The following LDB2 variants were observed in gnomAD, a reference collection of about 807,000 sequenced individuals.
LDB2 encodes the protein LIM domain binding 2.
A neutral mutation model predicts 44.3 loss-of-function variants in LDB2; 12 were observed. That is an observed-to-expected ratio of 0.27 (90% confidence interval 0.17 to 0.44). The LOEUF (loss-of-function observed/expected upper bound fraction) is 0.44, where lower values mean the gene tolerates loss of function less well. LDB2 is among the 20% of genes least tolerant of loss of function. The pLI is 1.00. For synonymous variants in LDB2, 164 were observed against 174.8 expected (o/e 0.94, Z 0.49); for missense variants, 344 against 473.5 (o/e 0.73, Z 2.54).
At chr4:16,846,806 A>G (rs759276002) in intron 1 of LDB2, among the ~76,000 whole-genome samples, 3 of 152,234 alleles carry the variant, frequency 2.0e-5, no homozygotes, top group Non-Finnish European at 4.4e-5. Flanking sequence ...AATGCAAAAG[A>G]GCAGGCAAAG....
intron 2 of LDB2, among the ~76,000 whole-genome samples, chr4:16,755,998 CA>C (rs1480222363): frequency 6.6e-6 from 1 of 152,210 alleles, no homozygotes; most frequent in East Asian, 1.9e-4. Context: ...ACACCCCCAT[CA>C]GGGGAGTGAA....
At chr4:16,873,652 T>A (rs1157182442) in intron 1 of LDB2, among the ~76,000 whole-genome samples, 1 of 152,240 alleles carries the variant, frequency 6.6e-6, no homozygotes, top group East Asian at 1.9e-4. Context: ...TTTTTATATT[T>A]TATATTATTC....
In LDB2 at chr4:16,737,397, A is replaced by G. The variant is rs372287455; in HGVS notation, c.235+21761T>C. 7.0e-4 allele frequency among the ~76,000 whole-genome samples: 107 copies of G among 152,214 alleles called. 4 individuals are homozygous for G. The East Asian group carries it at 0.017, about 25-fold the overall frequency. ...GCATCAGCCCCCACTCCTGTCTTAAAACAGTAATTTAAATTTTTATTTTAA... is the reference window on the plus strand; with the variant it reads ...GCATCAGCCCCCACTCCTGTCTTAAGACAGTAATTTAAATTTTTATTTTAA... On this transcript the variant is annotated intron_variant, in intron 2 of 7. Transcript: ENST00000304523.
At chr4:16,818,507 G>A (rs548966520) in intron 1 of LDB2, among the ~76,000 whole-genome samples, 1 of 152,208 alleles carries the variant, frequency 6.6e-6, no homozygotes, top group African/African-American at 2.4e-5. Flanking sequence ...TGAATTTGTT[G>A]ATCATTTGTT....
rs190309487 is a variant in LDB2 at position 16,839,364 on chromosome 4, C to T, written c.132+58990G>A. Among the ~76,000 whole-genome samples, 5 of 152,244 alleles carry T rather than the reference C, an allele frequency of 3.3e-5. No homozygotes were observed. In the East Asian group the frequency reaches 9.7e-4, roughly 29 times the overall value. On this transcript the variant is annotated intron_variant, in intron 1 of 7. Coordinates refer to ENST00000304523, the MANE Select transcript of LDB2 (RefSeq NM_001290.5). ...AGAGCAAGGAGTAGGACATGCCAGGCTTTTTCAACAACCAGCTCTTGTGGG... is the reference window on the plus strand; with the variant it reads ...AGAGCAAGGAGTAGGACATGCCAGGTTTTTTCAACAACCAGCTCTTGTGGG...
chr4:16,508,503 G>T, intron 7 of LDB2, 32 bp downstream of exon 7: 1 of 1,506,982 alleles, frequency 6.6e-7, no homozygotes, highest in Non-Finnish European at 8.9e-7. Context: ...AGACAGTTAG[G>T]ATTTCGGGCC....
chr4:16,633,888 C>T (rs1473115753), intron 2 of LDB2, among the ~76,000 whole-genome samples: 1 of 152,196 alleles, frequency 6.6e-6, no homozygotes, highest in East Asian at 1.9e-4. Context: ...GTAACCAAAA[C>T]AGCATGGTGC....
chr4:16,821,246 T>G (rs1781906316), intron 1 of LDB2, among the ~76,000 whole-genome samples: 1 of 152,218 alleles, frequency 6.6e-6, no homozygotes, highest in East Asian at 1.9e-4. Context: ...AAGGAAGCAT[T>G]GATCTAGCTA....
chr4:16,845,985 T>A (rs538864794), intron 1 of LDB2, among the ~76,000 whole-genome samples: 2 of 151,892 alleles, frequency 1.3e-5, no homozygotes, highest in Non-Finnish European at 2.9e-5. Context: ...AGCATGCGCC[T>A]GTAGTCCCAG....
At chr4:16,877,017 C>T (rs572222215) in intron 1 of LDB2, among the ~76,000 whole-genome samples, 1 of 152,014 alleles carries the variant, frequency 6.6e-6, no homozygotes, top group African/African-American at 2.4e-5. Context: ...AAACAATCAT[C>T]GAGTCTCAGA....
chr4:16,844,694 T>C (rs542890410), intron 1 of LDB2, among the ~76,000 whole-genome samples: 7 of 152,314 alleles, frequency 4.6e-5, no homozygotes, highest in African/African-American at 1.7e-4. Context: ...GTTTTTGTTT[T>C]TTTGTCCATG....
At chr4:16,799,150 G>A (rs1441410487) in intron 1 of LDB2, among the ~76,000 whole-genome samples, 2 of 152,126 alleles carry the variant, frequency 1.3e-5, no homozygotes, top group Non-Finnish European at 2.9e-5. Flanking sequence ...ACCGCGCCCG[G>A]CTCGTGACTG....
chr4:16,717,242 A>C (rs1045369574), intron 2 of LDB2, among the ~76,000 whole-genome samples: 2 of 151,990 alleles, frequency 1.3e-5, no homozygotes, highest in Non-Finnish European at 2.9e-5. Flanking sequence ...TTCCTTTTTA[A>C]TGGAACTAGA....
chr4:16,615,026 C>T (rs1484139118), intron 2 of LDB2, among the ~76,000 whole-genome samples: 4 of 142,866 alleles, frequency 2.8e-5, no homozygotes, highest in East Asian at 2.1e-4. Flanking sequence ...GCCGAGATCC[C>T]GCCACTGCAC....
At chr4:16,583,363 T>C (rs952723472) in intron 5 of LDB2, among the ~76,000 whole-genome samples, 2 of 152,228 alleles carry the variant, frequency 1.3e-5, no homozygotes, top group African/African-American at 4.8e-5. Context: ...TTTGGATTCA[T>C]ATTTACCAAA....
chr4:16,517,069 GA>G (rs1436202824), intron 5 of LDB2, among the ~76,000 whole-genome samples: 1 of 152,194 alleles, frequency 6.6e-6, no homozygotes, highest in African/African-American at 2.4e-5. Flanking sequence ...AGGGCATTAT[GA>G]AATGAAATCA....
At chr4:16,578,736 T>C (rs995142135) in intron 5 of LDB2, among the ~76,000 whole-genome samples, 3 of 152,200 alleles carry the variant, frequency 2.0e-5, no homozygotes, top group Admixed American at 1.3e-4. Context: ...GTCAAAGAGA[T>C]AGCTGCACTC....
At chr4:16,570,597 A>T (rs1332947390) in intron 5 of LDB2, among the ~76,000 whole-genome samples, 17 of 150,124 alleles carry the variant, frequency 1.1e-4, no homozygotes. Context: ...GAAAAATACT[A>T]CAAAAAACAA....
intron 2 of LDB2, among the ~76,000 whole-genome samples, chr4:16,724,713 G>A (rs980515971): frequency 7.2e-5 from 11 of 152,146 alleles, no homozygotes; most frequent in African/African-American, 2.7e-4. Flanking sequence ...ATTACAGTGA[G>A]CAGATATTGT....
Sources: allele counts gnomAD v4.1 joint callset (sites outside exome capture counted in the v4.1 genomes callset), GRCh38; gene constraint gnomAD v4.1.1; transcripts MANE v1.5; gene names NCBI Gene and HGNC (gene_info 2026-07-23, HGNC 2026-07-21).